Variants in PLXNA4 observed in about 807,000 individuals in gnomAD.
The protein encoded by PLXNA4 is plexin-A4.
PLXNA4 carries 44 observed loss-of-function variants against 191.8 expected under a neutral mutation model. The ratio of observed to expected loss-of-function variants is 0.23; its 90% CI spans 0.18 to 0.29. PLXNA4 has a LOEUF of 0.29. Among genes scored for constraint, PLXNA4 ranks in the 10% least tolerant of loss-of-function variants. The pLI is 1.00. For missense variants in PLXNA4, 1,800 were observed against 2,488.8 expected (o/e 0.72, Z 5.89); for synonymous variants, 1,082 against 1,009.5 (o/e 1.07, Z -1.36).
intron 1 of PLXNA4, among the ~76,000 whole-genome samples, chr7:132,543,319 G>A (rs918264386): frequency 1.3e-5 from 2 of 152,182 alleles, no homozygotes; most frequent in Admixed American, 1.3e-4. Context: ...ACTCCAGCTT[G>A]TGTCCTGTAA....
chr7:132,394,388 A>G (rs1204432453), intron 3 of PLXNA4, among the ~76,000 whole-genome samples: 1 of 152,178 alleles, frequency 6.6e-6, no homozygotes, highest in Non-Finnish European at 1.5e-5. Flanking sequence ...TGAAACAAAC[A>G]CTAGATTAAG....
chr7:132,555,568 AT>A (rs1398936928), intron 1 of PLXNA4, among the ~76,000 whole-genome samples: 1 of 152,154 alleles, frequency 6.6e-6, no homozygotes, highest in Non-Finnish European at 1.5e-5. Context: ...TGTGCAAGCT[AT>A]TTCCCACGTA....
At chr7:132,227,350 C>T in intron 7 of PLXNA4, 101 bp downstream of exon 7, 24 of 1,495,446 alleles carry the variant, frequency 1.6e-5, no homozygotes, top group Non-Finnish European at 2.2e-5. Context: ...CTGACTCTCT[C>T]CTGCCTGCAG....
intron 14 of PLXNA4, 116 bp from the exon 15 acceptor site, chr7:132,187,723 G>A: frequency 6.8e-7 from 1 of 1,459,860 alleles, no homozygotes; most frequent in Non-Finnish European, 9.0e-7. Flanking sequence ...TTTGGTAACA[G>A]TGGTCTCCCA....
At chr7:132,545,053 A>C (rs980601332) in intron 1 of PLXNA4, among the ~76,000 whole-genome samples, 1 of 152,182 alleles carries the variant, frequency 6.6e-6, no homozygotes, top group African/African-American at 2.4e-5. Flanking sequence ...GATCTGCAAA[A>C]AGCAAATGTA....
At chr7:132,205,612 C>T (rs1359128605) in intron 10 of PLXNA4, among the ~76,000 whole-genome samples, 1 of 152,134 alleles carries the variant, frequency 6.6e-6, no homozygotes, top group African/African-American at 2.4e-5. Flanking sequence ...CCTTGAAAGT[C>T]CCAGTGGGGA....
intron 3 of PLXNA4, among the ~76,000 whole-genome samples, chr7:132,365,364 T>TGCGGGCGCGC: frequency 6.8e-6 from 1 of 147,320 alleles, no homozygotes; most frequent in East Asian, 2.1e-4. Context: ...TGTGTGTGCG[T>TGCGGGCGCGC]GCGCGCGCAT....
chr7:132,307,112 G>A (rs1008104256), intron 3 of PLXNA4, among the ~76,000 whole-genome samples: 20 of 152,156 alleles, frequency 1.3e-4, no homozygotes, highest in African/African-American at 4.8e-4. Context: ...CCCCACCAGA[G>A]GAGCTCCCTC....
chr7:132,151,428 AGGAAG>A (rs1795621811), intron 25 of PLXNA4, among the ~76,000 whole-genome samples: 3 of 73,392 alleles, frequency 4.1e-5, no homozygotes, highest in Non-Finnish European at 7.9e-5. Flanking sequence ...GAGGAGGAGG[AGGAAG>A]GAGGAGGAGG....
intron 2 of PLXNA4, among the ~76,000 whole-genome samples, chr7:132,641,386 T>C (rs1803740264): frequency 6.6e-6 from 1 of 152,174 alleles, no homozygotes. Flanking sequence ...CATCCTTACA[T>C]GGCCTTTCCT....
intron 3 of PLXNA4, among the ~76,000 whole-genome samples, chr7:132,466,709 G>A (rs568838417): frequency 3.9e-5 from 6 of 152,236 alleles, no homozygotes; most frequent in African/African-American, 9.6e-5. Context: ...CCCCTCCCTC[G>A]GGGGCAGTCT....
chr7:132,186,368 C>G (rs1029662515), intron 15 of PLXNA4, among the ~76,000 whole-genome samples: 3 of 152,158 alleles, frequency 2.0e-5, no homozygotes, highest in African/African-American at 7.2e-5. Flanking sequence ...GTGGATCTGA[C>G]CCTCGTGAAT....
Position 132,165,192 on chromosome 7 carries a change from G to T in PLXNA4, c.4295C>A (p.Ser1432Ter). 3 of 1,613,344 alleles carry T rather than the reference G, an allele frequency of 1.9e-6. No individual in the cohort carries two copies. The highest frequency in any genetic ancestry group is 1.1e-5 in the South Asian group (1 of 90,946). The change falls in exon 23 of 32, where the codon TCA becomes TAA. Residue 1432 changes from serine to a stop codon, truncating the protein, a stop_gained. Transcript: ENST00000321063. LOFTEE classifies it high-confidence loss of function. ...ATTGGTCAGCATCTTCTCAGCCACT[G>T]ACTCAGTCCTGTCAGCAGTCACCGA... ...HPKLLLRRTE[S>*]VAEKMLTNWF...
Position 132,124,262 on chromosome 7 carries a change from T to C in PLXNA4, c.*6217A>G, listed in dbSNP as rs935072553. 6.6e-6 allele frequency: 1 copy of C among 152,100 alleles called. No individual in the cohort carries two copies. Among genetic ancestry groups the C allele is most frequent in the African/African-American group, 2.4e-5 (1 of 41,400 alleles). 9.4% of individuals were successfully genotyped at this position (152,100 alleles called of 1,614,324 possible). ...AGCTTTTCATTTTAAGAACAGAAGG[T>C]TTAACAAGTCAACAAGCTAACTAGA... On this transcript the variant is annotated 3_prime_UTR_variant, in exon 32 of 32. Transcript: ENST00000321063.
chr7:132,305,166 C>G (rs1161114887), intron 3 of PLXNA4, among the ~76,000 whole-genome samples: 1 of 152,132 alleles, frequency 6.6e-6, no homozygotes, highest in Non-Finnish European at 1.5e-5. Context: ...AGTGGGACAC[C>G]TAGACGGTGG....
rs116599817 is a variant in PLXNA4, at chr7:132,505,564, A to G, written c.1188+1942T>C. Reference sequence around the variant, plus strand: ...TGTGCATGCTCGTGGGGAATTTATTACATGTATGCATGTATGGGTGTCCTG... The same window carrying G: ...TGTGCATGCTCGTGGGGAATTTATTGCATGTATGCATGTATGGGTGTCCTG... On this transcript the variant is annotated intron_variant, in intron 2 of 31. Coordinates refer to ENST00000321063, the MANE Select transcript of PLXNA4 (RefSeq NM_020911.2). Among the ~76,000 whole-genome samples the G allele has an allele frequency of 6.6e-3, 1,003 of 152,304 alleles. 12 individuals are homozygous for G. Among genetic ancestry groups the G allele is most frequent in the African/African-American group, 0.023 (953 of 41,546 alleles).
intron 2 of PLXNA4, among the ~76,000 whole-genome samples, chr7:132,592,498 T>C (rs2116828331): frequency 6.7e-6 from 1 of 149,030 alleles, no homozygotes; most frequent in East Asian, 2.0e-4. Context: ...TGTGGGCCAT[T>C]GTTCATTTAT....
intron 2 of PLXNA4, among the ~76,000 whole-genome samples, chr7:132,639,558 G>A (rs1309424796): frequency 6.6e-6 from 1 of 152,096 alleles, no homozygotes; most frequent in Non-Finnish European, 1.5e-5. Flanking sequence ...GTAGTAAAAT[G>A]TTCCTAAAAA....
intron 9 of PLXNA4, among the ~76,000 whole-genome samples, chr7:132,214,537 C>G (rs1201739720): frequency 6.6e-6 from 1 of 152,072 alleles, no homozygotes; most frequent in Non-Finnish European, 1.5e-5. Context: ...GGGACCACTT[C>G]CACCACCCTG....
Sources: allele counts gnomAD v4.1 joint callset (sites outside exome capture counted in the v4.1 genomes callset), GRCh38; gene constraint gnomAD v4.1.1; transcripts MANE v1.5; gene names NCBI Gene and HGNC (gene_info 2026-07-23, HGNC 2026-07-21).